MYOM2: variants seen among roughly 807,000 people sequenced by gnomAD.
MYOM2 encodes myomesin-2.
In MYOM2, 254 loss-of-function variants were observed where a neutral mutation model predicts 187.6. The ratio of observed to expected loss-of-function variants is 1.35; its 90% confidence interval spans 1.22 to 1.50. MYOM2 has a LOEUF of 1.50. Among genes scored for constraint, MYOM2 ranks in the 40% most tolerant of loss-of-function variants. MYOM2 has a pLI of 0.00. For missense variants in MYOM2, 2,796 were observed against 1,924.0 expected (o/e 1.45, Z -8.48); for synonymous variants, 981 against 753.8 (o/e 1.30, Z -4.94).
At chr8:2,132,268 A>T (rs535806859) in intron 32 of MYOM2, among the ~76,000 whole-genome samples, 1 of 152,162 alleles carries the variant, frequency 6.6e-6, no homozygotes, top group African/African-American at 2.4e-5. Context: ...CATGGAATCA[A>T]TAGAGTGCTA....
In MYOM2 at chr8:2,106,577, G is replaced by T. The variant is rs1477382806; in HGVS notation, c.2978G>T (p.Ser993Ile). ...AGTGATACAGACGGAGTGTCCTCCA[G>T]TTTTGTTCTGGACCCAGAAGGTAAT... ...SVSDTDGVSS[S>I]FVLDPEELER... The change falls in exon 23 of 37, where the codon AGT (serine) becomes ATT (isoleucine). Residue 993 changes from serine (S) to isoleucine (I), a missense_variant. Ser to Ile is a moderately radical substitution (Grantham distance 142). Coordinates refer to ENST00000262113, the MANE Select transcript of MYOM2 (RefSeq NM_003970.4). The T allele has an allele frequency of 6.8e-6, 11 of 1,606,816 alleles. No homozygotes were observed. The highest frequency in any genetic ancestry group is 1.7e-5 in the Admixed American group (1 of 59,776).
intron 28 of MYOM2, among the ~76,000 whole-genome samples, chr8:2,120,098 G>A (rs757370512): frequency 2.6e-5 from 4 of 152,138 alleles, no homozygotes; most frequent in Non-Finnish European, 5.9e-5. Context: ...GTGCATCAAC[G>A]TGGAGATAGC....
rs1264115692 is a variant in MYOM2 at position 2,073,484 on chromosome 8, C to G, written c.1104C>G (p.Ala368=). 2 of 1,605,332 alleles carry G rather than the reference C, an allele frequency of 1.2e-6. No individual in the cohort carries two copies. The highest frequency in any genetic ancestry group is 1.7e-5 in the Admixed American group (1 of 59,610). The change falls in exon 10 of 37, where the codon GCC becomes GCG. Residue 368 remains alanine (A), a synonymous_variant. Coordinates refer to ENST00000262113, the MANE Select transcript of MYOM2 (RefSeq NM_003970.4). The stretch of plus-strand genomic sequence containing the variant: ...GGGGCGGCGTCAGCGACCACAGCGC[C>G]TTCCTGTTTGTCAGAGGTGCGGGCA... ...VSRGGVSDHS[A]FLFVRDADPL...
At chr8:2,136,720 A>T (rs1185731983) in intron 32 of MYOM2, among the ~76,000 whole-genome samples, 1 of 152,176 alleles carries the variant, frequency 6.6e-6, no homozygotes, top group East Asian at 1.9e-4. Context: ...CAGCTATTTT[A>T]TGAATGATCG....
rs746797124 is a variant in MYOM2, at chr8:2,092,494, C to T, written c.1977C>T (p.Cys659=). Residue 659 remains cysteine, a synonymous_variant, in exon 16 of 37, where the codon TGC becomes TGT. Coordinates refer to ENST00000262113, the MANE Select transcript of MYOM2 (RefSeq NM_003970.4). ...CCGGAACCAACCTCTGGGAGCCCTG[C>T]AACCACAAGCCCATCGGATACAACA... ...CVAGTNLWEP[C]NHKPIGYNRF... is the part of the protein sequence containing the mutation. The T allele has an allele frequency of 6.2e-6, 10 of 1,614,102 alleles. No individual in the cohort carries two copies. The highest frequency in any genetic ancestry group is 1.3e-5 in the African/African-American group (1 of 75,036).
rs956680663 is a variant in MYOM2 at position 2,090,253 on chromosome 8, A to G, written c.1828+62A>G. 6 of 1,485,396 alleles carry G rather than the reference A, an allele frequency of 4.0e-6. No individual in the cohort carries two copies. The African/African-American group carries it at 8.4e-5, about 21-fold the overall frequency. The allele number at this position is 1,485,396 out of a possible 1,614,324, so 92.0% of individuals were successfully genotyped here. ...GACTAAGAGTGGGGTGACACCAAAT[A>G]GCCTTAAATTGTGTGAATAAAGACA... On this transcript the variant is annotated intron_variant, in intron 15 of 36. Coordinates refer to ENST00000262113, the MANE Select transcript of MYOM2 (RefSeq NM_003970.4).
At chr8:2,109,361 C>A in intron 24 of MYOM2, 34 bp from the exon 25 acceptor site, 4 of 1,571,624 alleles carry the variant, frequency 2.5e-6, no homozygotes, top group Non-Finnish European at 3.5e-6. Flanking sequence ...AGGATTCATG[C>A]ATTATTGACT....
intron 13 of MYOM2, among the ~76,000 whole-genome samples, chr8:2,084,742 T>G (rs1283723906): frequency 1.3e-5 from 2 of 152,224 alleles, no homozygotes; most frequent in Non-Finnish European, 2.9e-5. Flanking sequence ...CCTGTGAATA[T>G]GGTACTGAGC....
At chr8:2,130,291 C>T (rs1455105555) in intron 32 of MYOM2, among the ~76,000 whole-genome samples, 1 of 144,230 alleles carries the variant, frequency 6.9e-6, no homozygotes, top group Non-Finnish European at 1.5e-5. Flanking sequence ...CCCAGGGCGC[C>T]CACACCCCGC....
chr8:2,104,802 A>G (rs532674507), intron 21 of MYOM2, among the ~76,000 whole-genome samples: 1 of 152,204 alleles, frequency 6.6e-6, no homozygotes, highest in East Asian at 1.9e-4. Flanking sequence ...GCCTTGCTTT[A>G]TAACATTTAC....
chr8:2,117,791 G>T, intron 27 of MYOM2, 94 bp from the exon 28 acceptor site: 1 of 743,230 alleles, frequency 1.3e-6, no homozygotes, highest in African/African-American at 1.8e-5. Flanking sequence ...TACACACCAT[G>T]CATATATGTG....
intron 8 of MYOM2, 68 bp from the exon 9 acceptor site, chr8:2,072,277 C>T (rs1819252164): frequency 8.0e-7 from 1 of 1,253,888 alleles, no homozygotes; most frequent in Non-Finnish European, 1.0e-6. Flanking sequence ...GCCCTTCGGC[C>T]ATGAAAGCCT....
chr8:2,118,047 G>A, intron 28 of MYOM2, 95 bp downstream of exon 28: 1 of 1,114,312 alleles, frequency 9.0e-7, no homozygotes, highest in Non-Finnish European at 1.3e-6. Flanking sequence ...GATCTGTGAT[G>A]CTGGTGAGGA....
chr8:2,046,740 CTTTCTTT>C (rs202023530), intron 1 of MYOM2, among the ~76,000 whole-genome samples: 4,780 of 131,952 alleles, frequency 0.036, 130 homozygotes, highest in Middle Eastern at 0.088. Context: ...TTCTCTCTCT[CTTTCTTT>C]TTTCTTTTTT....
rs1479160534 is a variant in MYOM2, at chr8:2,085,129, GT to G, written c.1517-131del. On this transcript the variant is annotated intron_variant, in intron 13 of 36. Coordinates refer to ENST00000262113, the MANE Select transcript of MYOM2 (RefSeq NM_003970.4). ...CTGGTTCCAAGGAAGCATCTTTGGG[GT>G]TTGTTTGACTTCCCCAAATAGAAAC... 4.7e-6 allele frequency: 5 copies of G among 1,074,958 alleles called. No homozygotes were observed. In the African/African-American group the frequency reaches 4.8e-5, roughly 10 times the overall value. The allele number at this position is 1,074,958 out of a possible 1,614,324, so 66.6% of individuals were successfully genotyped here. A position where few individuals can be genotyped will look rare whatever the true frequency, so the allele number is the denominator to read the frequency against.
intron 25 of MYOM2, among the ~76,000 whole-genome samples, chr8:2,115,174 A>C (rs13273991): frequency 3.7e-4 from 56 of 150,976 alleles, no homozygotes; most frequent in African/African-American, 1.3e-3. Context: ...CAAAAAAAAA[A>C]CAAAAAACAA....
At chr8:2,080,432 T>C (rs1370536749) in intron 13 of MYOM2, among the ~76,000 whole-genome samples, 1 of 152,190 alleles carries the variant, frequency 6.6e-6, no homozygotes, top group Non-Finnish European at 1.5e-5. Flanking sequence ...TTCTCTAGGA[T>C]CTCAAAACAA....
At position 2,145,161 on chromosome 8, in the gene MYOM2, A is replaced by C. The variant is rs1798418670; in HGVS notation, c.*180A>C. On this transcript the variant is annotated 3_prime_UTR_variant, in exon 37 of 37. Coordinates refer to ENST00000262113, the MANE Select transcript of MYOM2 (RefSeq NM_003970.4). ...AATATTTTATACCCGTCTAAGGGAGAAAGCTAATGTTTTCCACAAGACTGA... is the reference window on the plus strand; with the variant it reads ...AATATTTTATACCCGTCTAAGGGAGCAAGCTAATGTTTTCCACAAGACTGA... The C allele has an allele frequency of 4.5e-6, 3 of 669,540 alleles. No individual in the cohort carries two copies. The highest frequency in any genetic ancestry group is 7.5e-6 in the Non-Finnish European group (3 of 401,632). The allele number at this position is 669,540 out of a possible 1,614,324, so 41.5% of individuals were successfully genotyped here.
intron 1 of MYOM2, among the ~76,000 whole-genome samples, chr8:2,050,501 T>C (rs1255898219): frequency 1.3e-5 from 2 of 152,224 alleles, no homozygotes; most frequent in Non-Finnish European, 2.9e-5. Context: ...GAGTTCACAA[T>C]GAAATGAAAC....
Sources: allele counts gnomAD v4.1 joint callset (sites outside exome capture counted in the v4.1 genomes callset), GRCh38; gene constraint gnomAD v4.1.1; transcripts MANE v1.5; gene names NCBI Gene and HGNC (gene_info 2026-07-23, HGNC 2026-07-21).